Variants in RAB11FIP5 observed in about 807,000 individuals in gnomAD.
The protein encoded by RAB11FIP5 is RAB11 family interacting protein 5.
Under a neutral mutation model 85.1 loss-of-function variants are expected in RAB11FIP5, and 48 were observed. The observed-to-expected ratio is 0.56, with a 90% confidence interval of 0.45 to 0.72. The LOEUF is 0.72. RAB11FIP5 is among the 30% of genes least tolerant of loss of function. RAB11FIP5 has a pLI of 0.00. For synonymous variants in RAB11FIP5, 729 were observed against 727.3 expected (o/e 1.00, Z -0.04); for missense variants, 1,491 against 1,687.0 (o/e 0.88, Z 2.04).
At position 73,076,149 on chromosome 2, in the gene RAB11FIP5, A is replaced by T; in HGVS notation, c.3615T>A (p.Pro1205=). ...PHPVKPLSAA[P]VEGSPDRKQS... is the part of the protein sequence containing the mutation. ...GCTTCCTGTCGGGGCTGCCCTCCAC[A>T]GGGGCGGCACTGAGGGGCTTCACGG... The change falls in exon 5 of 6, where the codon CCT becomes CCA. Residue 1205 remains proline, a synonymous_variant. Transcript: ENST00000486777. The T allele has an allele frequency of 6.2e-7, 1 of 1,613,224 alleles. No individual in the cohort carries two copies. The highest frequency in any genetic ancestry group is 8.5e-7 in the Non-Finnish European group (1 of 1,179,298).
At position 73,073,576 on chromosome 2, in the gene RAB11FIP5, ACTC is replaced by A. The variant is rs1347870377; in HGVS notation, c.*1942_*1944del. On this transcript the variant is annotated 3_prime_UTR_variant, in exon 6 of 6. Transcript: ENST00000486777. ...AAGGACCCTGGGCTTCGATTCAAAA[ACTC>A]CTCTGAAGCCATCCATGCCCTGGGC... 6.6e-6 allele frequency: 1 copy of A among 151,272 alleles called. No homozygotes were observed. Among genetic ancestry groups the A allele is most frequent in the African/African-American group, 2.4e-5 (1 of 41,062 alleles). 9.4% of individuals were successfully genotyped at this position (151,272 alleles called of 1,614,324 possible).
chr2:73,082,819 T>A (rs1176550132), intron 3 of RAB11FIP5, among the ~76,000 whole-genome samples: 1 of 152,186 alleles, frequency 6.6e-6, no homozygotes, highest in African/African-American at 2.4e-5. Flanking sequence ...ACTCCAGAGA[T>A]GCGGGCAGGG....
At chr2:73,102,069 C>T (rs192427557) in intron 1 of RAB11FIP5, among the ~76,000 whole-genome samples, 3 of 151,862 alleles carry the variant, frequency 2.0e-5, no homozygotes, top group Admixed American at 6.6e-5. Flanking sequence ...GATGAGGGTG[C>T]GGGATGTGGC....
At chr2:73,083,689 A>G (rs1189446144) in intron 3 of RAB11FIP5, among the ~76,000 whole-genome samples, 2 of 152,216 alleles carry the variant, frequency 1.3e-5, no homozygotes, top group African/African-American at 4.8e-5. Context: ...GCCCCAGGCC[A>G]AGGCACACAT....
rs1684148341 is a variant in RAB11FIP5 at position 73,088,873 on chromosome 2, G to T, written c.868+6C>A. Reference sequence around the variant, plus strand: ...TCCCCAGGGCGGCGGCCCTGTGCTTGCTCACCCCCTTCAGTGGACAGCCAG... The same window carrying T: ...TCCCCAGGGCGGCGGCCCTGTGCTTTCTCACCCCCTTCAGTGGACAGCCAG... On this transcript the variant is annotated splice_donor_region_variant and intron_variant, in intron 2 of 5. Coordinates refer to ENST00000486777, the MANE Select transcript of RAB11FIP5 (RefSeq NM_001371272.1). The T allele has an allele frequency of 1.9e-6, 3 of 1,563,016 alleles. No individual in the cohort carries two copies. The African/African-American group carries it at 4.1e-5, about 21-fold the overall frequency.
In RAB11FIP5 at chr2:73,080,432, CCTCT is replaced by C; in HGVS notation, c.2796_2799del (p.Gly934LysfsTer44). The C allele has an allele frequency of 8.1e-7, 1 of 1,233,564 alleles. No individual in the cohort carries two copies. Among genetic ancestry groups the C allele is most frequent in the Non-Finnish European group, 1.0e-6 (1 of 988,716 alleles). The allele number at this position is 1,233,564 out of a possible 1,614,324, so 76.4% of individuals were successfully genotyped here. ...AGTGCACTTGGGGAGGCATCTTCTC[CCTCT>C]GTCTCCGGCCCCCTGTTACTCAGCC... On this transcript the variant is annotated frameshift_variant, in exon 4 of 6. Transcript: ENST00000486777. LOFTEE classifies it high-confidence loss of function.
chr2:73,081,646 T>C lies in RAB11FIP5; in HGVS notation c.1586A>G (p.Gln529Arg), dbSNP rs1229430889. 4 of 1,231,686 alleles carry C rather than the reference T, an allele frequency of 3.2e-6. No individual in the cohort carries two copies. In the African/African-American group the frequency reaches 4.7e-5, roughly 14 times the overall value. The allele number at this position is 1,231,686 out of a possible 1,614,324, so 76.3% of individuals were successfully genotyped here. A position where few individuals can be genotyped will look rare whatever the true frequency, so the allele number is the denominator to read the frequency against. The stretch of plus-strand genomic sequence containing the variant: ...AAGAGCAGCTGGGTCAGATTCTACC[T>C]GAGGAGACACGTCCAGGCTGTGGAG... Reference protein sequence around the residue: ...TQKPSLDVSPQVESDPAALPH... With the variant: ...TQKPSLDVSPRVESDPAALPH... Residue 529 changes from glutamine (Q) to arginine (R), a missense_variant, in exon 4 of 6, where the codon CAG becomes CGG. Coordinates refer to ENST00000486777, the MANE Select transcript of RAB11FIP5 (RefSeq NM_001371272.1). This position sits in a 1 kb window ranked among gnomAD's most constrained non-coding sequence, Gnocchi z 4.2.
At chr2:73,100,796 T>C (rs557567454) in intron 1 of RAB11FIP5, among the ~76,000 whole-genome samples, 76 of 151,596 alleles carry the variant, frequency 5.0e-4, no homozygotes, top group Non-Finnish European at 9.3e-4. Flanking sequence ...GGTTGTGTTT[T>C]TTTGTTTTTT....
At chr2:73,085,582 G>C (rs1189930362) in intron 3 of RAB11FIP5, among the ~76,000 whole-genome samples, 1 of 152,142 alleles carries the variant, frequency 6.6e-6, no homozygotes, top group South Asian at 2.1e-4. Context: ...AGACAAGCTT[G>C]GTCTCAACTA....
Position 73,080,014 on chromosome 2 carries a change from T to C in RAB11FIP5, c.3218A>G (p.Asp1073Gly). Residue 1073 changes from aspartate to glycine, a missense_variant, in exon 4 of 6, where the codon GAT becomes GGT. Asp to Gly is a moderately conservative substitution (Grantham distance 94). Coordinates refer to ENST00000486777, the MANE Select transcript of RAB11FIP5 (RefSeq NM_001371272.1). ...GGATGCAGATGAGAGGCTGGGAGGA[T>C]CTCGGCTCCCCTGAAACAAGAAGGG... ...LNPFLFQGSR[D>G]PPSLSSASPP... 8.1e-7 allele frequency: 1 copy of C among 1,232,122 alleles called. No individual in the cohort carries two copies. The highest frequency in any genetic ancestry group is 1.0e-6 in the Non-Finnish European group (1 of 988,046). The allele number at this position is 1,232,122 out of a possible 1,614,324, so 76.3% of individuals were successfully genotyped here.
At chr2:73,077,433 C>T (rs1683884728) in intron 4 of RAB11FIP5, among the ~76,000 whole-genome samples, 1 of 152,204 alleles carries the variant, frequency 6.6e-6, no homozygotes, top group Admixed American at 6.5e-5. Context: ...ACTAAATCAG[C>T]TCCTCCATCT....
intron 3 of RAB11FIP5, among the ~76,000 whole-genome samples, chr2:73,083,829 C>G (rs1684045364): frequency 1.3e-5 from 2 of 152,196 alleles, no homozygotes; most frequent in South Asian, 2.1e-4. Flanking sequence ...AGGACCCGGG[C>G]CCCCAGGAAC....
At chr2:73,091,332 C>T (rs1412226149) in intron 1 of RAB11FIP5, among the ~76,000 whole-genome samples, 2 of 152,190 alleles carry the variant, frequency 1.3e-5, no homozygotes, top group Non-Finnish European at 2.9e-5. Context: ...AAAAGCCTTC[C>T]ACTAGCCTGG....
Position 73,112,588 on chromosome 2 carries a change from G to A in RAB11FIP5, c.190C>T (p.His64Tyr), listed in dbSNP as rs769807643. The A allele has an allele frequency of 1.3e-6, 2 of 1,598,320 alleles. No individual in the cohort carries two copies. The highest frequency in any genetic ancestry group is 2.3e-5 in the East Asian group (1 of 43,686). The change falls in exon 1 of 6, where the codon CAC becomes TAC. Residue 64 changes from histidine to tyrosine, a missense_variant. Coordinates refer to ENST00000486777, the MANE Select transcript of RAB11FIP5 (RefSeq NM_001371272.1). ...TCCTCACGCCACTCGGGGCAGCCGT[G>A]CGTCTTCTCCACCACCGACGTACTG... ...KYSTSVVEKT[H>Y]GCPEWREECS...
chr2:73,111,178 G>A (rs543600707), intron 1 of RAB11FIP5, among the ~76,000 whole-genome samples: 19 of 152,058 alleles, frequency 1.2e-4, no homozygotes, highest in Non-Finnish European at 2.5e-4. Flanking sequence ...CCAGACCACA[G>A]AGAGCCAGCC....
chr2:73,085,618 G>A (rs540383237), intron 3 of RAB11FIP5, among the ~76,000 whole-genome samples: 2 of 152,294 alleles, frequency 1.3e-5, no homozygotes, highest in East Asian at 3.9e-4. Flanking sequence ...AGCACACACT[G>A]GTAGGGGCCC....
chr2:73,110,995 G>C (rs1684645095), intron 1 of RAB11FIP5, among the ~76,000 whole-genome samples: 1 of 146,308 alleles, frequency 6.8e-6, no homozygotes. Context: ...AACCAGGAAG[G>C]AGGGAGAGGA....
Position 73,075,446 on chromosome 2 carries a change from T to G in RAB11FIP5, c.*75A>C. 13 of 1,410,508 alleles carry G rather than the reference T, an allele frequency of 9.2e-6. No homozygotes were observed. The highest frequency in any genetic ancestry group is 1.2e-5 in the Non-Finnish European group (12 of 994,446). The allele number at this position is 1,410,508 out of a possible 1,614,324, so 87.4% of individuals were successfully genotyped here. ...AAGACAGACGATGCCCCACTGCAGA[T>G]GAGAGAGTTCAGGAGGAGAGAGGGC... On this transcript the variant is annotated 3_prime_UTR_variant, in exon 6 of 6. Coordinates refer to ENST00000486777, the MANE Select transcript of RAB11FIP5 (RefSeq NM_001371272.1). The surrounding 1 kb of genome is among the most constrained non-coding windows in gnomAD (Gnocchi z 4.6).
At chr2:73,105,642 A>T (rs1248316924) in intron 1 of RAB11FIP5, among the ~76,000 whole-genome samples, 1 of 152,132 alleles carries the variant, frequency 6.6e-6, no homozygotes, top group Non-Finnish European at 1.5e-5. Flanking sequence ...CTAGAGCTGC[A>T]GACCAAATGT....
Sources: gnomAD v4.1 joint callset for allele counts (sites outside exome capture counted in the v4.1 genomes callset) on GRCh38, gnomAD v4.1.1 for gene constraint, Gnocchi (gnomAD v3.1) non-coding constraint, MANE v1.5 for transcripts, NCBI Gene and HGNC (gene_info 2026-07-23, HGNC 2026-07-21) for gene names.